RFT1: variants seen among roughly 807,000 people sequenced by gnomAD.
RFT1 encodes RFT1 glycolipid translocator homolog.
In RFT1, 43 loss-of-function variants were observed where a neutral mutation model predicts 62.2. That is an observed-to-expected ratio of 0.69 (90% confidence interval 0.54 to 0.89). RFT1 has a LOEUF of 0.89. RFT1 is among the 40% of genes least tolerant of loss of function. The pLI is 0.00. For missense variants in RFT1, 605 were observed against 649.9 expected, an observed-to-expected ratio of 0.93 and a Z score of 0.75; for synonymous variants, 262 against 264.6, an observed-to-expected ratio of 0.99 and a Z score of 0.10.
chr3:53,082,875 A>G, the RFT1 span, among the ~76,000 whole-genome samples: 10 of 152,098 alleles, frequency 6.6e-5, no homozygotes, highest in Non-Finnish European at 8.8e-5. Context: ...ATACACATGA[A>G]GCAAAACCCT....
intron 10 of RFT1, chr3:53,103,655 G>A (rs1021424520): frequency 1.5e-5 from 6 of 407,552 alleles, no homozygotes; most frequent in African/African-American, 1.0e-4. Flanking sequence ...GGAGCACAGG[G>A]AAGCGCTTGG....
chr3:53,070,713 C>T, the RFT1 span, among the ~76,000 whole-genome samples: 1 of 151,258 alleles, frequency 6.6e-6, no homozygotes, highest in Non-Finnish European at 1.5e-5. Flanking sequence ...TCATGTATTT[C>T]TTATATAATA....
chr3:53,130,375 T>G lies in RFT1; in HGVS notation c.26A>C (p.His9Pro). 1 of 1,563,138 alleles carries G rather than the reference T, an allele frequency of 6.4e-7. No individual in the cohort carries two copies. Among genetic ancestry groups the G allele is most frequent in the Non-Finnish European group, 8.7e-7 (1 of 1,153,982 alleles). The change falls in exon 1 of 13, where the codon CAC becomes CCC. Residue 9 changes from histidine to proline, a missense_variant. Transcript: ENST00000296292. Reference protein sequence around the residue: MGSQEVLGHAARLASSGLL... With the variant: MGSQEVLGPAARLASSGLL... ...ACCGGAGGAGGCCAGCCGGGCCGCGTGGCCCAGCACCTCCTGGCTGCCCAT... is the reference window on the plus strand; with the variant it reads ...ACCGGAGGAGGCCAGCCGGGCCGCGGGGCCCAGCACCTCCTGGCTGCCCAT...
At chr3:53,084,021 G>T (rs1443984697), downstream of RFT1, among the ~76,000 whole-genome samples, 1 of 15,250 alleles carries the variant, frequency 6.6e-5, no homozygotes, top group African/African-American at 1.5e-4. Context: ...GTTTGGTTGG[G>T]ATTCTGTGTG....
chr3:53,084,160 G>A (rs1041631892), downstream of RFT1, among the ~76,000 whole-genome samples: 1 of 152,156 alleles, frequency 6.6e-6, no homozygotes, highest in African/African-American at 2.4e-5. Flanking sequence ...GCGAGGCTGG[G>A]GTTTTCGTCT....
chr3:53,125,741 C>T (rs1015615825), intron 2 of RFT1, among the ~76,000 whole-genome samples, 168 bp downstream of exon 2: 2 of 152,196 alleles, frequency 1.3e-5, no homozygotes, highest in African/African-American at 4.8e-5. Flanking sequence ...ACATCGCCTG[C>T]GCGTCCCTCC....
the RFT1 span, among the ~76,000 whole-genome samples, chr3:53,068,238 C>G: frequency 2.0e-5 from 3 of 152,148 alleles, no homozygotes; most frequent in East Asian, 5.8e-4. Context: ...ATCCACTTCT[C>G]CCTTCCTCCA....
At chr3:53,084,094 C>T (rs1700808942), downstream of RFT1, among the ~76,000 whole-genome samples, 1 of 152,210 alleles carries the variant, frequency 6.6e-6, no homozygotes, top group Non-Finnish European at 1.5e-5. Flanking sequence ...TGTGGTTCTC[C>T]CTGCATGGCC....
the RFT1 span, among the ~76,000 whole-genome samples, chr3:53,080,292 C>T: frequency 3.3e-3 from 496 of 152,272 alleles, 3 homozygotes; most frequent in African/African-American, 0.011. Context: ...GCAGCCATGG[C>T]GTTTCTTCCC....
the RFT1 span, among the ~76,000 whole-genome samples, chr3:53,070,680 A>T: frequency 1.3e-5 from 2 of 150,878 alleles, no homozygotes; most frequent in South Asian, 4.2e-4. Flanking sequence ...TGGGTGTATT[A>T]TGTTTTTAAA....
chr3:53,083,177 G>A, the RFT1 span, among the ~76,000 whole-genome samples: 1 of 132,728 alleles, frequency 7.5e-6, no homozygotes, highest in Non-Finnish European at 1.6e-5. Flanking sequence ...CCCCAGCCTG[G>A]GTGACAGAGT....
the RFT1 span, among the ~76,000 whole-genome samples, chr3:53,068,870 A>G: frequency 1.3e-5 from 2 of 152,306 alleles, no homozygotes; most frequent in Middle Eastern, 3.4e-3. Flanking sequence ...TTTGAGCACA[A>G]TATTTGATAA....
the RFT1 span, among the ~76,000 whole-genome samples, chr3:53,074,209 CCT>C: frequency 6.6e-6 from 1 of 152,158 alleles, no homozygotes; most frequent in Non-Finnish European, 1.5e-5. Context: ...ACAAACACCC[CCT>C]CTCAGCCTGG....
chr3:53,107,706 T>C (rs951440807), intron 7 of RFT1, among the ~76,000 whole-genome samples: 9 of 151,468 alleles, frequency 5.9e-5, no homozygotes, highest in Admixed American at 5.2e-4. Flanking sequence ...GCCTTCAAGG[T>C]GAAGACACCA....
the RFT1 span, among the ~76,000 whole-genome samples, chr3:53,067,305 C>T: frequency 2.0e-5 from 3 of 152,156 alleles, no homozygotes; most frequent in Admixed American, 6.5e-5. Context: ...GCCGTGATGG[C>T]GCCCCACTGC....
intron 6 of RFT1, among the ~76,000 whole-genome samples, chr3:53,114,677 G>C (rs1701743623): frequency 6.6e-6 from 1 of 152,066 alleles, no homozygotes; most frequent in Non-Finnish European, 1.5e-5. Context: ...CTGATGAGCT[G>C]ATCTAAATAG....
chr3:53,103,845 C>T, intron 10 of RFT1, 108 bp downstream of exon 10: 1 of 1,398,052 alleles, frequency 7.2e-7, no homozygotes, highest in Non-Finnish European at 1.0e-6. Context: ...GACAGTTTTC[C>T]CTACACTGAC....
At position 53,091,489 on chromosome 3, in the gene RFT1, T is replaced by G; in HGVS notation, c.*414A>C. 1.3e-5 allele frequency: 3 copies of G among 223,740 alleles called. No homozygotes were observed. Among genetic ancestry groups the G allele is most frequent in the Non-Finnish European group, 2.7e-5 (3 of 109,648 alleles). 13.9% of individuals were successfully genotyped at this position (223,740 alleles called of 1,614,324 possible). ...TTCTCTCTCTCTTTTACAGAAGAAG[T>G]TCAATATTCCTGTGAAGGGTAAAAT... On this transcript the variant is annotated 3_prime_UTR_variant, in exon 13 of 13. Coordinates refer to ENST00000296292, the MANE Select transcript of RFT1 (RefSeq NM_052859.4).
chr3:53,122,402 G>A lies in RFT1; in HGVS notation c.428C>T (p.Ala143Val), dbSNP rs1263229121. The A allele has an allele frequency of 1.2e-6, 2 of 1,613,776 alleles. No homozygotes were observed. The highest frequency in any genetic ancestry group is 8.5e-7 in the Non-Finnish European group (1 of 1,179,950). ...GAGCTTCACAAACATATGTGCTTGT[G>A]CCAAGACCCAAAAGGGCTCTCCTAG... ...ELLGEPFWVLAQAHMFVKLKV... is the reference protein window; with the variant it reads ...ELLGEPFWVLVQAHMFVKLKV... The change falls in exon 4 of 13, where the codon GCA (alanine) becomes GTA (valine). Residue 143 changes from alanine (A) to valine (V), a missense_variant. Ala to Val is a moderately conservative substitution (Grantham distance 64). Coordinates refer to ENST00000296292, the MANE Select transcript of RFT1 (RefSeq NM_052859.4).
Sources: gnomAD v4.1 joint callset for allele counts (sites outside exome capture counted in the v4.1 genomes callset) on GRCh38, gnomAD v4.1.1 for gene constraint, MANE v1.5 for transcripts, NCBI Gene and HGNC (gene_info 2026-07-23, HGNC 2026-07-21) for gene names.